Variants in TCEA1 observed in about 807,000 individuals in gnomAD.
TCEA1 encodes transcription elongation factor A1.
A neutral mutation model predicts 43.8 loss-of-function variants in TCEA1; 21 were observed. That is an observed-to-expected ratio of 0.48 (90% confidence interval 0.34 to 0.69). The LOEUF (loss-of-function observed/expected upper bound fraction) is 0.69, where lower values mean the gene tolerates loss of function less well. Ranked by LOEUF, TCEA1 falls within the 30% of genes least tolerant of loss-of-function variation. TCEA1 has a pLI of 0.01. For missense variants in TCEA1, 250 were observed against 365.1 expected (o/e 0.68, Z 2.57); for synonymous variants, 104 against 117.5 (o/e 0.88, Z 0.75).
At chr8:53,998,515 C>T (rs997860781) in intron 3 of TCEA1, among the ~76,000 whole-genome samples, 1 of 152,154 alleles carries the variant, frequency 6.6e-6, no homozygotes, top group Non-Finnish European at 1.5e-5. Context: ...TATATACACA[C>T]ACACACATAA....
intron 1 of TCEA1, among the ~76,000 whole-genome samples, chr8:54,015,661 G>A (rs1046224379): frequency 6.6e-6 from 1 of 151,844 alleles, no homozygotes. Context: ...ATACTTCAAA[G>A]GCCACAACCA....
chr8:53,981,401 GGTGACTTCAA>G (rs562019503), intron 7 of TCEA1, among the ~76,000 whole-genome samples: 54 of 152,250 alleles, frequency 3.5e-4, no homozygotes, highest in Non-Finnish European at 6.2e-4. Context: ...TAAAGCATCT[GGTGACTTCAA>G]GTTGAAGCCA....
At position 54,022,061 on chromosome 8, in the gene TCEA1, A is replaced by C; in HGVS notation, c.63+2T>G. 7.0e-7 allele frequency: 1 copy of C among 1,438,838 alleles called. No homozygotes were observed. The highest frequency in any genetic ancestry group is 9.3e-7 in the Non-Finnish European group (1 of 1,076,322). The allele number at this position is 1,438,838 out of a possible 1,614,324, so 89.1% of individuals were successfully genotyped here. ...CCGGCCCGCGCCGCTCGCCGCGCTC[A>C]CCGCGTTCTTCTTCTGCACCATCTT... On this transcript the variant is annotated splice_donor_variant, in intron 1 of 9. Coordinates refer to ENST00000521604, the MANE Select transcript of TCEA1 (RefSeq NM_006756.4). LOFTEE classifies it high-confidence loss of function.
At chr8:54,009,688 T>C (rs1024526377) in intron 2 of TCEA1, 1 of 152,226 alleles carries the variant, frequency 6.6e-6, no homozygotes, top group African/African-American at 2.4e-5. Context: ...GGCAAGGGAA[T>C]GAAGACAGGT....
At chr8:53,981,094 C>T (rs1803486132) in intron 7 of TCEA1, among the ~76,000 whole-genome samples, 1 of 152,012 alleles carries the variant, frequency 6.6e-6, no homozygotes, top group Non-Finnish European at 1.5e-5. Context: ...AGGAAGCTGC[C>T]GAAGAAAAGT....
Position 54,011,952 on chromosome 8 carries a change from CT to C in TCEA1, c.64-1461del, listed in dbSNP as rs1804666834. On this transcript the variant is annotated intron_variant, in intron 1 of 9. Transcript: ENST00000521604. ...GTTTAATTATTTGCTGTTTAAAGAT[CT>C]CTCCTAATCTTAAAATTCTATAAAT... Among the ~76,000 whole-genome samples the C allele has an allele frequency of 2.6e-5, 4 of 152,160 alleles. No individual in the cohort carries two copies. The South Asian group carries it at 8.3e-4, about 31-fold the overall frequency.
chr8:53,975,871 G>A (rs537901174), intron 8 of TCEA1, among the ~76,000 whole-genome samples: 1 of 152,164 alleles, frequency 6.6e-6, no homozygotes, highest in East Asian at 1.9e-4. Context: ...TGGTTAAGTT[G>A]GGAAATTTTA....
intron 2 of TCEA1, among the ~76,000 whole-genome samples, chr8:54,004,791 A>G (rs1804386896): frequency 7.0e-6 from 1 of 142,260 alleles, no homozygotes; most frequent in African/African-American, 2.5e-5. Flanking sequence ...TTAAAAAAAA[A>G]AAAGAAACAT....
intron 2 of TCEA1, among the ~76,000 whole-genome samples, chr8:54,005,709 C>T (rs1406055681): frequency 1.3e-5 from 2 of 152,252 alleles, no homozygotes; most frequent in Admixed American, 1.3e-4. Flanking sequence ...ATTTATATTG[C>T]TATTATCTTA....
At chr8:53,971,350 C>T (rs1194930614) in intron 8 of TCEA1, 1 of 152,528 alleles carries the variant, frequency 6.6e-6, no homozygotes, top group Non-Finnish European at 1.5e-5. Context: ...GTAGCTCACG[C>T]CTGTAATCCC....
intron 8 of TCEA1, among the ~76,000 whole-genome samples, chr8:53,974,467 G>A (rs896617532): frequency 7.4e-6 from 1 of 135,590 alleles, no homozygotes; most frequent in Non-Finnish European, 1.5e-5. Context: ...TATATTTTAT[G>A]AAGTTCAATT....
At chr8:53,989,813 G>A (rs1803815279) in intron 4 of TCEA1, among the ~76,000 whole-genome samples, 1 of 152,058 alleles carries the variant, frequency 6.6e-6, no homozygotes, top group Non-Finnish European at 1.5e-5. Context: ...GGTGAAGAGA[G>A]CAAGAGTTGT....
chr8:53,986,939 AAC>A, intron 6 of TCEA1, 28 bp downstream of exon 6: 3 of 1,526,756 alleles, frequency 2.0e-6, no homozygotes, highest in Non-Finnish European at 2.6e-6. Context: ...TATTAAAAAA[AAC>A]AATTATGAAT....
At chr8:54,011,008 G>T (rs1480591008) in intron 1 of TCEA1, among the ~76,000 whole-genome samples, 3 of 152,002 alleles carry the variant, frequency 2.0e-5, no homozygotes, top group African/African-American at 7.3e-5. Flanking sequence ...TAGAGATGGG[G>T]GCCAAGCTGG....
intron 8 of TCEA1, chr8:53,972,634 AGAG>A: frequency 1.6e-6 from 1 of 607,644 alleles, no homozygotes; most frequent in East Asian, 3.7e-5. Flanking sequence ...TTTGGAAAGG[AGAG>A]GGTGAAGGAA....
chr8:53,996,918 T>A (rs866675968), intron 3 of TCEA1, among the ~76,000 whole-genome samples: 16 of 149,012 alleles, frequency 1.1e-4, no homozygotes, highest in African/African-American at 3.0e-4. Flanking sequence ...TTTTTTTTTT[T>A]AGACAGACTC....
Position 53,988,392 on chromosome 8 carries a change from T to C in TCEA1, c.321-133A>G, listed in dbSNP as rs548949636. The stretch of plus-strand genomic sequence containing the variant: ...CAGTATCTCAGTGACCTTTATGTGA[T>C]GGAAAAAAAATTGCCTGCATACAGA... On this transcript the variant is annotated intron_variant, in intron 4 of 9. Coordinates refer to ENST00000521604, the MANE Select transcript of TCEA1 (RefSeq NM_006756.4). 5.5e-6 allele frequency: 6 copies of C among 1,099,360 alleles called. No homozygotes were observed. In the Admixed American group the frequency reaches 1.6e-4, roughly 29 times the overall value. 68.1% of individuals were successfully genotyped at this position (1,099,360 alleles called of 1,614,324 possible).
intron 2 of TCEA1, chr8:54,009,980 G>C (rs1178166171): frequency 6.5e-6 from 1 of 154,400 alleles, no homozygotes; most frequent in African/African-American, 2.4e-5. Flanking sequence ...CTTCAGTAAT[G>C]AATCTGTGTA....
intron 9 of TCEA1, among the ~76,000 whole-genome samples, chr8:53,968,925 A>G (rs887269782): frequency 2.0e-5 from 3 of 152,322 alleles, no homozygotes; most frequent in African/African-American, 7.2e-5. Flanking sequence ...GGTAGGAAAT[A>G]CTGTTTCAAA....
Sources: allele counts gnomAD v4.1 joint callset (sites outside exome capture counted in the v4.1 genomes callset), GRCh38; gene constraint gnomAD v4.1.1; transcripts MANE v1.5; gene names NCBI Gene and HGNC (gene_info 2026-07-23, HGNC 2026-07-21).